The following PCDHGA5 variants were observed in gnomAD, a reference collection of about 807,000 sequenced individuals.
PCDHGA5 encodes protocadherin gamma-A5.
Under a neutral mutation model 56.7 loss-of-function variants are expected in PCDHGA5, and 36 were observed. That is an observed-to-expected ratio of 0.64 (90% confidence interval 0.49 to 0.84). The LOEUF (loss-of-function observed/expected upper bound fraction) is 0.84. Ranked by LOEUF, PCDHGA5 falls within the 40% of genes least tolerant of loss-of-function variation. The probability of loss-of-function intolerance (pLI) is 0.00; values close to 1 mark genes in which losing one functional copy is unlikely to be tolerated. For synonymous variants in PCDHGA5, 563 were observed against 520.2 expected (o/e 1.08, Z -1.12); for missense variants, 1,305 against 1,201.5 (o/e 1.09, Z -1.27).
intron 1 of PCDHGA5, chr5:141,415,308 C>G (rs2154545628): frequency 6.2e-7 from 1 of 1,614,236 alleles, no homozygotes; most frequent in Non-Finnish European, 8.5e-7. Context: ...TCCTGGCCTT[C>G]GTCATCGTGC....
chr5:141,409,172 G>C (rs574905228), intron 1 of PCDHGA5: 1 of 1,614,006 alleles, frequency 6.2e-7, no homozygotes, highest in Non-Finnish European at 8.5e-7. Context: ...AGCGAAGGAC[G>C]GAGGTGGTCT....
At position 141,385,031 on chromosome 5, in the gene PCDHGA5, T is replaced by C; in HGVS notation, c.2421+18280T>C. The C allele has an allele frequency of 1.9e-6, 3 of 1,614,190 alleles. No individual in the cohort carries two copies. The African/African-American group carries it at 4.0e-5, about 21-fold the overall frequency. The stretch of plus-strand genomic sequence containing the variant: ...GTCTTCCTAGCCTTCGTCCTCGTAC[T>C]GCTGGCGCTCAGGCTGCGGCGCTGG... On this transcript the variant is annotated intron_variant, in intron 1 of 3. Coordinates refer to ENST00000518069, the MANE Select transcript of PCDHGA5 (RefSeq NM_018918.3).
At chr5:141,449,538 G>A (rs1445815017) in intron 1 of PCDHGA5, among the ~76,000 whole-genome samples, 15 of 145,960 alleles carry the variant, frequency 1.0e-4, no homozygotes, top group East Asian at 4.0e-4. Flanking sequence ...GCAGTGAGCC[G>A]AGATCGCACC....
At chr5:141,441,710 G>A (rs2098266791) in intron 1 of PCDHGA5, 1 of 322,162 alleles carries the variant, frequency 3.1e-6, no homozygotes, top group Non-Finnish European at 6.1e-6. Context: ...TCAAGCTCAC[G>A]CTGCAGGCCC....
intron 1 of PCDHGA5, chr5:141,392,764 C>T (rs1589161528): frequency 1.4e-6 from 2 of 1,480,722 alleles, no homozygotes; most frequent in South Asian, 2.8e-5. Context: ...CTAAATAAGA[C>T]CCATTTATGC....
At position 141,431,896 on chromosome 5, in the gene PCDHGA5, C is replaced by A. The variant is rs1292629023; in HGVS notation, c.2422-62911C>A. The A allele has an allele frequency of 6.2e-7, 1 of 1,613,940 alleles. No homozygotes were observed. The highest frequency in any genetic ancestry group is 1.3e-5 in the African/African-American group (1 of 74,924). On this transcript the variant is annotated intron_variant, in intron 1 of 3. Coordinates refer to ENST00000518069, the MANE Select transcript of PCDHGA5 (RefSeq NM_018918.3). This position sits in a 1 kb window ranked among gnomAD's most constrained non-coding sequence, Gnocchi z 4.8. Reference sequence around the variant, plus strand: ...TAAATGACCAAGATTCTGAGGAAAACGGACAGGTGATCTGTTTCATCCAAG... The same window carrying A: ...TAAATGACCAAGATTCTGAGGAAAAAGGACAGGTGATCTGTTTCATCCAAG...
chr5:141,477,582 A>T lies in PCDHGA5; in HGVS notation c.2422-17225A>T, dbSNP rs567486170. The T allele has an allele frequency of 6.2e-7, 1 of 1,614,190 alleles. No individual in the cohort carries two copies. The highest frequency in any genetic ancestry group is 2.2e-5 in the East Asian group (1 of 44,888). ...GTCTGGGACCCCGACGCCCCGCAGA[A>T]TGCTCGGCTTTCTTTCTTTCTCTTG... On this transcript the variant is annotated intron_variant, in intron 1 of 3. Transcript: ENST00000518069. The surrounding 1 kb of genome is among the most constrained non-coding windows in gnomAD (Gnocchi z 4.9).
Position 141,491,636 on chromosome 5 carries a change from C to T in PCDHGA5, c.2422-3171C>T. ...AGACCCCTCAGCGTTCAGCAGCCCA[C>T]AGCTCTGGCGCTGGAGCCTGACGCC... On this transcript the variant is annotated intron_variant, in intron 1 of 3. Coordinates refer to ENST00000518069, the MANE Select transcript of PCDHGA5 (RefSeq NM_018918.3). This position sits in a 1 kb window ranked among gnomAD's most constrained non-coding sequence, Gnocchi z 6.9. 6.2e-7 allele frequency: 1 copy of T among 1,613,922 alleles called. No homozygotes were observed. Among genetic ancestry groups the T allele is most frequent in the Non-Finnish European group, 8.5e-7 (1 of 1,180,020 alleles).
At chr5:141,441,537 C>A in intron 1 of PCDHGA5, 1 of 173,250 alleles carries the variant, frequency 5.8e-6, no homozygotes, top group Non-Finnish European at 1.2e-5. Context: ...ACAATCTTCC[C>A]AAAGCCTCCA....
chr5:141,372,012 C>T, intron 1 of PCDHGA5: 1 of 1,613,320 alleles, frequency 6.2e-7, no homozygotes, highest in South Asian at 1.1e-5. Context: ...CCAGGGCTCG[C>T]CTACGCTCAG....
At position 141,365,580 on chromosome 5, in the gene PCDHGA5, A is replaced by G; in HGVS notation, c.1250A>G (p.Asp417Gly). Residue 417 changes from aspartate to glycine, a missense_variant, in exon 1 of 4, where the codon GAT (aspartate) becomes GGT (glycine). By Grantham distance (94) the Asp-to-Gly change is moderately conservative (BLOSUM62 -1). Coordinates refer to ENST00000518069, the MANE Select transcript of PCDHGA5 (RefSeq NM_018918.3). ...TRDLDREETSDYNITLTVMDH... is the reference protein window; with the variant it reads ...TRDLDREETSGYNITLTVMDH... ...GACCTGGACAGAGAAGAGACTTCAG[A>G]TTATAATATCACTTTAACCGTCATG... The G allele has an allele frequency of 6.2e-7, 1 of 1,613,742 alleles. No homozygotes were observed. The highest frequency in any genetic ancestry group is 1.1e-5 in the South Asian group (1 of 91,082).
intron 1 of PCDHGA5, chr5:141,385,344 A>G (rs1444885751): frequency 6.4e-7 from 1 of 1,567,338 alleles, no homozygotes. Context: ...CCCTTCCTTT[A>G]TTTCCATGAG....
intron 1 of PCDHGA5, chr5:141,390,025 G>GA (rs2092024046): frequency 1.2e-6 from 2 of 1,613,882 alleles, no homozygotes; most frequent in Non-Finnish European, 1.7e-6. Context: ...TTGCGCCTGC[G>GA]ACGCTCCTCC....
At chr5:141,460,456 T>C (rs2098989632) in intron 1 of PCDHGA5, among the ~76,000 whole-genome samples, 1 of 152,124 alleles carries the variant, frequency 6.6e-6, no homozygotes, top group South Asian at 2.1e-4. Flanking sequence ...AAGATTCATA[T>C]TTTTTTCCAA....
intron 1 of PCDHGA5, chr5:141,426,835 C>G (rs1038394702): frequency 6.6e-6 from 3 of 456,576 alleles, no homozygotes; most frequent in Non-Finnish European, 1.3e-5. Flanking sequence ...ATGGACAAGA[C>G]TAAAGGCAAG....
chr5:141,475,013 G>T (rs950376592), intron 1 of PCDHGA5, among the ~76,000 whole-genome samples: 1 of 152,176 alleles, frequency 6.6e-6, no homozygotes, highest in African/African-American at 2.4e-5. Context: ...AAAAGTTAAG[G>T]CTCTTTATTC....
At chr5:141,381,826 CTT>C (rs770630741) in intron 1 of PCDHGA5, among the ~76,000 whole-genome samples, 2,382 of 74,222 alleles carry the variant, frequency 0.032, 21 homozygotes, top group African/African-American at 0.07. Context: ...CTTTCTTCTT[CTT>C]TTTTTTTTTT....
Position 141,490,330 on chromosome 5 carries a change from C to T in PCDHGA5, c.2422-4477C>T, listed in dbSNP as rs2099698666. ...GGCCAACCCTGTCCTAGAGAGCACA[C>T]CAGTGGGCACAGTAGTGGGGTTGTT... is the stretch of plus-strand genomic sequence containing the variant. On this transcript the variant is annotated intron_variant, in intron 1 of 3. Transcript: ENST00000518069. The surrounding 1 kb of genome is among the most constrained non-coding windows in gnomAD (Gnocchi z 5.4). 6.2e-7 allele frequency: 1 copy of T among 1,614,080 alleles called. No individual in the cohort carries two copies. Among genetic ancestry groups the T allele is most frequent in the Non-Finnish European group, 8.5e-7 (1 of 1,180,042 alleles).
chr5:141,431,678 T>G lies in PCDHGA5; in HGVS notation c.2422-63129T>G. The G allele has an allele frequency of 6.2e-7, 1 of 1,614,084 alleles. No homozygotes were observed. Among genetic ancestry groups the G allele is most frequent in the Non-Finnish European group, 8.5e-7 (1 of 1,180,022 alleles). On this transcript the variant is annotated intron_variant, in intron 1 of 3. Transcript: ENST00000518069. This position sits in a 1 kb window ranked among gnomAD's most constrained non-coding sequence, Gnocchi z 4.8. ...AGGGACAATATCAACAATAGGGGAGTTGGACCACGAGGAGTCAGGATTCTA... is the reference window on the plus strand; with the variant it reads ...AGGGACAATATCAACAATAGGGGAGGTGGACCACGAGGAGTCAGGATTCTA...
Sources: gnomAD v4.1 joint callset for allele counts (sites outside exome capture counted in the v4.1 genomes callset) on GRCh38, gnomAD v4.1.1 for gene constraint, Gnocchi (gnomAD v3.1) non-coding constraint, MANE v1.5 for transcripts, NCBI Gene and HGNC (gene_info 2026-07-23, HGNC 2026-07-21) for gene names.